Variants in NLGN1 observed in about 807,000 individuals in gnomAD.
NLGN1 encodes neuroligin 1.
In NLGN1, 12 loss-of-function variants were observed where a neutral mutation model predicts 65.5. The ratio of observed to expected loss-of-function variants is 0.18; its 90% CI spans 0.12 to 0.30. The LOEUF is 0.30. Among genes scored for constraint, NLGN1 ranks in the 10% least tolerant of loss-of-function variants. The probability of loss-of-function intolerance (pLI) is 1.00; values close to 1 mark genes in which losing one functional copy is unlikely to be tolerated. For missense variants in NLGN1, 750 were observed against 1,007.1 expected (o/e 0.74, Z 3.46); for synonymous variants, 350 against 359.5 (o/e 0.97, Z 0.30).
At chr3:174,103,957 T>A (rs753494096) in intron 4 of NLGN1, among the ~76,000 whole-genome samples, 2 of 152,098 alleles carry the variant, frequency 1.3e-5, no homozygotes, top group Non-Finnish European at 2.9e-5. Context: ...CTGGCAACAT[T>A]TCTAGTTTAT....
intron 4 of NLGN1, among the ~76,000 whole-genome samples, chr3:173,972,069 C>G (rs547649101): frequency 6.6e-6 from 1 of 152,080 alleles, no homozygotes; most frequent in Admixed American, 6.6e-5. Flanking sequence ...CAAGAAAGAG[C>G]CAGTTTTAAG....
chr3:173,815,470 C>A (rs2150500235), intron 4 of NLGN1, among the ~76,000 whole-genome samples: 1 of 152,210 alleles, frequency 6.6e-6, no homozygotes, highest in Admixed American at 6.6e-5. Flanking sequence ...AGATTGCCAA[C>A]TTCATTAGTC....
intron 2 of NLGN1, among the ~76,000 whole-genome samples, chr3:173,445,489 T>C (rs985447050): frequency 1.3e-5 from 2 of 152,166 alleles, no homozygotes; most frequent in Non-Finnish European, 2.9e-5. Flanking sequence ...CTTGGAGAGG[T>C]TAGATAATTT....
intron 1 of NLGN1, among the ~76,000 whole-genome samples, chr3:173,401,957 T>G (rs1282973738): frequency 6.6e-6 from 1 of 152,194 alleles, no homozygotes; most frequent in Admixed American, 6.5e-5. Context: ...TAGCGCTTCA[T>G]AACATTTTTC....
chr3:173,652,127 G>A (rs1329162291), intron 3 of NLGN1, among the ~76,000 whole-genome samples: 3 of 152,084 alleles, frequency 2.0e-5, no homozygotes, highest in Admixed American at 1.3e-4. Context: ...TTATTTGGTT[G>A]TTATTGTTGA....
chr3:173,693,608 C>T (rs1765780244), intron 3 of NLGN1, among the ~76,000 whole-genome samples: 1 of 151,900 alleles, frequency 6.6e-6, no homozygotes, highest in Admixed American at 6.6e-5. Flanking sequence ...CATTCACTCT[C>T]CTAAATTTAG....
chr3:173,988,728 AT>A (rs377484843), intron 4 of NLGN1, among the ~76,000 whole-genome samples: 1 of 152,030 alleles, frequency 6.6e-6, no homozygotes. Context: ...ACAAATAGCT[AT>A]TTTTTTAATC....
At chr3:173,444,025 T>C (rs1399145904) in intron 2 of NLGN1, among the ~76,000 whole-genome samples, 1 of 152,204 alleles carries the variant, frequency 6.6e-6, no homozygotes, top group Non-Finnish European at 1.5e-5. Context: ...TTGTGATATC[T>C]ATGTATAATT....
intron 3 of NLGN1, among the ~76,000 whole-genome samples, chr3:173,767,763 T>G (rs1778991909): frequency 6.6e-6 from 1 of 152,034 alleles, no homozygotes; most frequent in South Asian, 2.1e-4. Context: ...CCTAATTCTA[T>G]ATATTTAAGT....
At chr3:173,431,363 A>C (rs1340035973) in intron 1 of NLGN1, among the ~76,000 whole-genome samples, 1 of 151,930 alleles carries the variant, frequency 6.6e-6, no homozygotes, top group Admixed American at 6.6e-5. Context: ...GTTTGGGGCA[A>C]ATATGGAGCA....
At chr3:173,884,913 T>G (rs1387326383) in intron 4 of NLGN1, among the ~76,000 whole-genome samples, 3 of 152,120 alleles carry the variant, frequency 2.0e-5, no homozygotes, top group Non-Finnish European at 4.4e-5. Flanking sequence ...AGAGGCCAAA[T>G]GCTGCGTCCT....
intron 4 of NLGN1, among the ~76,000 whole-genome samples, chr3:173,829,694 T>G (rs1337265173): frequency 6.6e-6 from 1 of 152,164 alleles, no homozygotes. Flanking sequence ...ACTTAATTCA[T>G]TTTATAACTG....
At chr3:173,719,937 G>A (rs887835016) in intron 3 of NLGN1, among the ~76,000 whole-genome samples, 2 of 151,818 alleles carry the variant, frequency 1.3e-5, no homozygotes, top group Admixed American at 1.3e-4. Flanking sequence ...CAACACAGTG[G>A]GACCTCGTCT....
At chr3:173,501,995 C>T (rs1267963337) in intron 2 of NLGN1, among the ~76,000 whole-genome samples, 1 of 152,082 alleles carries the variant, frequency 6.6e-6, no homozygotes, top group Non-Finnish European at 1.5e-5. Context: ...CAGATCCTTA[C>T]ATGGTATCTG....
intron 2 of NLGN1, among the ~76,000 whole-genome samples, chr3:173,523,863 A>T (rs552694752): frequency 1.3e-5 from 2 of 150,518 alleles, no homozygotes; most frequent in East Asian, 3.9e-4. Context: ...TCATTTTAAC[A>T]CTATTGATTC....
At chr3:173,400,544 C>G (rs1426799616) in intron 1 of NLGN1, among the ~76,000 whole-genome samples, 4 of 152,132 alleles carry the variant, frequency 2.6e-5, no homozygotes, top group Admixed American at 1.3e-4. Context: ...CATTCCCTGC[C>G]CCTCTACCCC....
At chr3:173,454,858 T>A (rs1227075990) in intron 2 of NLGN1, among the ~76,000 whole-genome samples, 2 of 152,202 alleles carry the variant, frequency 1.3e-5, no homozygotes, top group African/African-American at 4.8e-5. Context: ...TAGGCTTACT[T>A]CCAACTTTTG....
At chr3:173,971,500 C>A (rs557834332) in intron 4 of NLGN1, among the ~76,000 whole-genome samples, 63 of 152,090 alleles carry the variant, frequency 4.1e-4, no homozygotes, top group African/African-American at 1.5e-3. Context: ...CATATTATCA[C>A]ATTGCATGCA....
At chr3:173,458,491 C>G (rs1722859786) in intron 2 of NLGN1, among the ~76,000 whole-genome samples, 1 of 151,964 alleles carries the variant, frequency 6.6e-6, no homozygotes, top group Non-Finnish European at 1.5e-5. Context: ...TAAATATGCT[C>G]AAATCTTTTC....
Sources: gnomAD v4.1 joint callset for allele counts (sites outside exome capture counted in the v4.1 genomes callset) on GRCh38, gnomAD v4.1.1 for gene constraint, MANE v1.5 for transcripts, NCBI Gene and HGNC (gene_info 2026-07-23, HGNC 2026-07-21) for gene names.